TMEM53: variants seen among roughly 807,000 people sequenced by gnomAD.
The protein encoded by TMEM53 is novel DUF829 domain-containing protein.
In TMEM53, 14 loss-of-function variants were observed where a neutral mutation model predicts 21.4. That is an observed-to-expected ratio of 0.65 (90% CI 0.43 to 1.02). The LOEUF is 1.02. Ranked by LOEUF, TMEM53 falls within the 50% of genes least tolerant of loss-of-function variation. The probability of loss-of-function intolerance (pLI) is 0.00; values close to 1 mark genes in which losing one functional copy is unlikely to be tolerated. For missense variants in TMEM53, 323 were observed against 383.6 expected (o/e 0.84, Z 1.32); for synonymous variants, 148 against 157.4 (o/e 0.94, Z 0.45).
chr1:44,663,726 G>A (rs1169830726), intron 1 of TMEM53, among the ~76,000 whole-genome samples: 1 of 152,074 alleles, frequency 6.6e-6, no homozygotes, highest in African/African-American at 2.4e-5. Context: ...TTGGCCCCTG[G>A]CTGGATCTCC....
chr1:44,666,854 T>G (rs6671027), intron 1 of TMEM53, among the ~76,000 whole-genome samples: 70,933 of 138,070 alleles, frequency 0.51, 17,315 homozygotes, highest in Middle Eastern at 0.61. Context: ...TTTTTTTTTG[T>G]TTTGTTTTGA....
rs561777866 is a variant in TMEM53, at chr1:44,657,547, G to GT, written c.184-2339dup. 2.6e-4 allele frequency among the ~76,000 whole-genome samples: 39 copies of GT among 152,174 alleles called. No individual in the cohort carries two copies. In the South Asian group the frequency reaches 6.2e-3, roughly 24 times the overall value. On this transcript the variant is annotated intron_variant, in intron 2 of 2. Transcript: ENST00000372237. Reference sequence around the variant, plus strand: ...ATGGTGTTTTTGTTTTGTTTTGCTTGTTTTGTTTGAGACAGGGTCTCACTC... The same window carrying GT: ...ATGGTGTTTTTGTTTTGTTTTGCTTGTTTTTGTTTGAGACAGGGTCTCACTC...
chr1:44,668,757 G>A (rs1573233033), intron 1 of TMEM53, among the ~76,000 whole-genome samples: 1 of 152,164 alleles, frequency 6.6e-6, no homozygotes, highest in East Asian at 1.9e-4. Flanking sequence ...TGCCCAGGCT[G>A]GTCTCAAATT....
chr1:44,657,390 G>T (rs954443430), intron 2 of TMEM53, among the ~76,000 whole-genome samples: 10 of 152,178 alleles, frequency 6.6e-5, no homozygotes, highest in African/African-American at 2.4e-4. Context: ...TGGAGATCAT[G>T]ATCTGAAAAA....
At chr1:44,667,312 GTTGT>G (rs998404209) in intron 1 of TMEM53, among the ~76,000 whole-genome samples, 8 of 127,434 alleles carry the variant, frequency 6.3e-5, no homozygotes, top group African/African-American at 2.9e-4. Flanking sequence ...CACTTTTTTT[GTTGT>G]TTTTTTTTTT....
At chr1:44,667,722 G>A (rs537890499) in intron 1 of TMEM53, among the ~76,000 whole-genome samples, 121 of 152,182 alleles carry the variant, frequency 8.0e-4, no homozygotes, top group Non-Finnish European at 1.2e-3. Flanking sequence ...AAATCAGTAT[G>A]TATAACTTCT....
intron 1 of TMEM53, among the ~76,000 whole-genome samples, chr1:44,669,796 TA>T (rs1390502013): frequency 8.6e-6 from 1 of 115,650 alleles, no homozygotes; most frequent in Non-Finnish European, 1.8e-5. Flanking sequence ...GAAAGCATCC[TA>T]TTTTTTTTTT....
At chr1:44,656,140 G>A (rs76447774) in intron 2 of TMEM53, among the ~76,000 whole-genome samples, 1 of 152,028 alleles carries the variant, frequency 6.6e-6, no homozygotes, top group Non-Finnish European at 1.5e-5. Context: ...AGACAGGTCC[G>A]GGTTCAACTC....
chr1:44,673,838 C>T, intron 1 of TMEM53: 1 of 985,222 alleles, frequency 1.0e-6, no homozygotes, highest in Non-Finnish European at 1.2e-6. Flanking sequence ...AGAGACTGCA[C>T]TGTTAACCAC....
rs763560806 is a variant in TMEM53 at position 44,655,227 on chromosome 1, G to GTCAGTCC, written c.184-25_184-19dup. The GTCAGTCC allele has an allele frequency of 1.9e-6, 3 of 1,578,590 alleles. No individual in the cohort carries two copies. The South Asian group carries it at 3.5e-5, about 19-fold the overall frequency. On this transcript the variant is annotated intron_variant, in intron 2 of 2. Coordinates refer to ENST00000372237, the MANE Select transcript of TMEM53 (RefSeq NM_024587.4). The surrounding 1 kb of genome is among the most constrained non-coding windows in gnomAD (Gnocchi z 4.4). ...ATGCAGCCCTGGGGAGAGAGGCCTG[G>GTCAGTCC]TCAGTCCTCACAGATGAGGTGGGGG...
At position 44,655,331 on chromosome 1, in the gene TMEM53, C is replaced by T; in HGVS notation, c.184-122G>A. On this transcript the variant is annotated intron_variant, in intron 2 of 2. Coordinates refer to ENST00000372237, the MANE Select transcript of TMEM53 (RefSeq NM_024587.4). The surrounding 1 kb of genome is among the most constrained non-coding windows in gnomAD (Gnocchi z 4.4). ...TAGGCCATGGGGCCCACAGCGTCAG[C>T]AATGCTCTGGGTCCTGCTTCAGCCT... 1 of 997,322 alleles carries T rather than the reference C, an allele frequency of 1.0e-6. No homozygotes were observed. Among genetic ancestry groups the T allele is most frequent in the East Asian group, 2.6e-5 (1 of 37,744 alleles). The allele number at this position is 997,322 out of a possible 1,614,324, so 61.8% of individuals were successfully genotyped here. A position where few individuals can be genotyped will look rare whatever the true frequency, so the allele number is the denominator to read the frequency against.
In TMEM53 at chr1:44,655,281, C is replaced by T. The variant is rs61789883; in HGVS notation, c.184-72G>A. The T allele has an allele frequency of 2.1e-6, 3 of 1,421,468 alleles. No individual in the cohort carries two copies. The highest frequency in any genetic ancestry group is 1.4e-5 in the African/African-American group (1 of 69,962). The allele number at this position is 1,421,468 out of a possible 1,614,324, so 88.1% of individuals were successfully genotyped here. A position where few individuals can be genotyped will look rare whatever the true frequency, so the allele number is the denominator to read the frequency against. On this transcript the variant is annotated intron_variant, in intron 2 of 2. Coordinates refer to ENST00000372237, the MANE Select transcript of TMEM53 (RefSeq NM_024587.4). This position sits in a 1 kb window ranked among gnomAD's most constrained non-coding sequence, Gnocchi z 4.4. ...TGGGTACAAGCTAAGGTCAGAGGGG[C>T]CCAGCAACCCCAGCCTGTAGGACAT...
intron 1 of TMEM53, among the ~76,000 whole-genome samples, chr1:44,660,686 T>C (rs930157803): frequency 1.3e-5 from 2 of 151,600 alleles, no homozygotes; most frequent in Non-Finnish European, 2.9e-5. Context: ...CATTTTTAAA[T>C]GGTTAAAAAA....
chr1:44,666,527 A>C (rs1557496215), intron 1 of TMEM53, among the ~76,000 whole-genome samples: 1 of 152,270 alleles, frequency 6.6e-6, no homozygotes. Flanking sequence ...ATTAAATACC[A>C]TTCAGTCATA....
chr1:44,657,684 C>T (rs1002485471), intron 2 of TMEM53, among the ~76,000 whole-genome samples: 2 of 151,992 alleles, frequency 1.3e-5, no homozygotes, highest in South Asian at 2.1e-4. Flanking sequence ...ACTACAGACA[C>T]GCACCACCGT....
In TMEM53 at chr1:44,654,495, TTGCAGG is replaced by T; in HGVS notation, c.*58_*63del. On this transcript the variant is annotated 3_prime_UTR_variant, in exon 3 of 3. Coordinates refer to ENST00000372237, the MANE Select transcript of TMEM53 (RefSeq NM_024587.4). This position sits in a 1 kb window ranked among gnomAD's most constrained non-coding sequence, Gnocchi z 7.0. ...TTGAACGAGAAGAGTGCCCGACAGA[TTGCAGG>T]TTGTGGGGAGGTGTCAGGCATTTAT... 1 of 1,544,592 alleles carries T rather than the reference TTGCAGG, an allele frequency of 6.5e-7. No homozygotes were observed. The highest frequency in any genetic ancestry group is 1.2e-5 in the South Asian group (1 of 82,124).
chr1:44,668,692 C>T (rs1216359463), intron 1 of TMEM53, among the ~76,000 whole-genome samples: 1 of 152,056 alleles, frequency 6.6e-6, no homozygotes, highest in African/African-American at 2.4e-5. Flanking sequence ...TAGGCAAGCA[C>T]CACCATGCTC....
At position 44,674,102 on chromosome 1, in the gene TMEM53, G is replaced by A. The variant is rs188458283; in HGVS notation, c.61+229C>T. ...AGACAGAAAAAGAGGTCCCAAGCGA[G>A]CAGCTGACTCGGGCAGAGGCGGGGC... On this transcript the variant is annotated intron_variant, in intron 1 of 2. Coordinates refer to ENST00000372237, the MANE Select transcript of TMEM53 (RefSeq NM_024587.4). The A allele has an allele frequency of 3.0e-5, 30 of 985,458 alleles. No individual in the cohort carries two copies. In the African/African-American group the frequency reaches 4.5e-4, roughly 15 times the overall value. The allele number at this position is 985,458 out of a possible 1,614,324, so 61.0% of individuals were successfully genotyped here.
intron 1 of TMEM53, among the ~76,000 whole-genome samples, chr1:44,661,630 C>A (rs1644903408): frequency 1.3e-5 from 2 of 152,106 alleles, no homozygotes; most frequent in Non-Finnish European, 2.9e-5. Flanking sequence ...TGAGGTTTAA[C>A]CCTTATAACA....
Sources: gnomAD v4.1 joint callset for allele counts (sites outside exome capture counted in the v4.1 genomes callset) on GRCh38, gnomAD v4.1.1 for gene constraint, Gnocchi (gnomAD v3.1) non-coding constraint, MANE v1.5 for transcripts, NCBI Gene and HGNC (gene_info 2026-07-23, HGNC 2026-07-21) for gene names.